Variants in TBX20 observed in about 807,000 individuals in gnomAD.
The protein encoded by TBX20 is T-box transcription factor TBX20.
TBX20 carries 8 observed loss-of-function variants against 42.9 expected under a neutral mutation model. That is an observed-to-expected ratio of 0.19 (90% CI 0.11 to 0.34). TBX20 has a LOEUF of 0.34. Ranked by LOEUF, TBX20 falls within the 10% of genes least tolerant of loss-of-function variation. The pLI, the probability that TBX20 is intolerant of heterozygous loss-of-function variation, is 1.00. For missense variants in TBX20, 411 were observed against 566.0 expected (o/e 0.73, Z 2.78); for synonymous variants, 198 against 222.8 (o/e 0.89, Z 0.99).
intron 6 of TBX20, among the ~76,000 whole-genome samples, chr7:35,227,001 A>G (rs2128712909): frequency 6.6e-6 from 1 of 152,026 alleles, no homozygotes; most frequent in East Asian, 1.9e-4. Context: ...GGTGGGAGAC[A>G]GTGATATTGA....
chr7:35,250,042 T>C lies in TBX20; in HGVS notation c.289A>G (p.Met97Val). The C allele has an allele frequency of 6.2e-7, 1 of 1,613,950 alleles. No individual in the cohort carries two copies. The highest frequency in any genetic ancestry group is 8.5e-7 in the Non-Finnish European group (1 of 1,179,924). Reference sequence around the variant, plus strand: ...TCCAGGCTGCAGGCAATTTTGGCCATTTCCTCACTGGGGATGATGGGGGTG... The same window carrying C: ...TCCAGGCTGCAGGCAATTTTGGCCACTTCCTCACTGGGGATGATGGGGGTG... ...PTTPIIPSEEMAKIACSLETK... is the reference protein window; with the variant it reads ...PTTPIIPSEEVAKIACSLETK... Residue 97 changes from methionine (M) to valine (V), a missense_variant, in exon 2 of 8, where the codon ATG becomes GTG. Around this residue, in one of 5 missense-constraint regions of TBX20, gnomAD observed 114 missense variants for 128.0 expected, o/e 0.89. Coordinates refer to ENST00000408931, the MANE Select transcript of TBX20 (RefSeq NM_001077653.2).
chr7:35,253,402 T>C (rs2128716587), intron 1 of TBX20, 92 bp downstream of exon 1: 1 of 1,451,412 alleles, frequency 6.9e-7, no homozygotes, highest in Admixed American at 1.9e-5. Flanking sequence ...GGCTTGAGCA[T>C]CAGACGTTGC....
At chr7:35,237,976 G>A (rs1361349734) in intron 5 of TBX20, among the ~76,000 whole-genome samples, 1 of 152,064 alleles carries the variant, frequency 6.6e-6, no homozygotes, top group African/African-American at 2.4e-5. Context: ...GGAACAGCAG[G>A]CACTCACAGC....
intron 5 of TBX20, among the ~76,000 whole-genome samples, chr7:35,232,586 CAT>C (rs1789888164): frequency 6.6e-6 from 1 of 152,196 alleles, no homozygotes; most frequent in South Asian, 2.1e-4. Flanking sequence ...TTTATGGAAT[CAT>C]AGCTTCTCAG....
At chr7:35,228,354 T>C (rs1341150934) in intron 6 of TBX20, among the ~76,000 whole-genome samples, 3 of 152,112 alleles carry the variant, frequency 2.0e-5, no homozygotes, top group Non-Finnish European at 4.4e-5. Flanking sequence ...AATAATATGG[T>C]TGACCAGATA....
chr7:35,246,655 A>G (rs2128715617), intron 3 of TBX20, among the ~76,000 whole-genome samples: 1 of 152,324 alleles, frequency 6.6e-6, no homozygotes, highest in East Asian at 1.9e-4. Flanking sequence ...TCTTCCGATT[A>G]GGAATGACTG....
chr7:35,253,433 G>C, intron 1 of TBX20, 61 bp downstream of exon 1: 1 of 1,568,530 alleles, frequency 6.4e-7, no homozygotes. Context: ...CTGCAGCCAG[G>C]GGCACAGACG....
rs537469080 is a variant in TBX20, at chr7:35,249,769, G to A, written c.380+182C>T. 3.9e-5 allele frequency among the ~76,000 whole-genome samples: 6 copies of A among 152,268 alleles called. No homozygotes were observed. In the East Asian group the frequency reaches 5.8e-4, roughly 15 times the overall value. Reference sequence around the variant, plus strand: ...CTTCCCATGACCAAATCCTGAGAACGCAAATGACTAGACATCCTGTAGCTC... The same window carrying A: ...CTTCCCATGACCAAATCCTGAGAACACAAATGACTAGACATCCTGTAGCTC... On this transcript the variant is annotated intron_variant, in intron 2 of 7. Transcript: ENST00000408931. The surrounding 1 kb of genome is among the most constrained non-coding windows in gnomAD (Gnocchi z 4.3).
rs1463113584 is a variant in TBX20 at position 35,202,839 on chromosome 7, G to A, written c.1004-69C>T. ...GTACAGATCAAGAATTAAATTATCT[G>A]TAAAGATCAATTTGTGTTTAAGAAT... On this transcript the variant is annotated intron_variant, in intron 7 of 7. Transcript: ENST00000408931. The A allele has an allele frequency of 4.6e-6, 7 of 1,525,078 alleles. No individual in the cohort carries two copies. The East Asian group carries it at 7.4e-5, about 16-fold the overall frequency. 94.5% of individuals were successfully genotyped at this position (1,525,078 alleles called of 1,614,324 possible).
intron 6 of TBX20, among the ~76,000 whole-genome samples, chr7:35,207,892 T>C (rs568278305): frequency 6.6e-6 from 1 of 152,286 alleles, no homozygotes; most frequent in Admixed American, 6.5e-5. Context: ...TACTCTATCT[T>C]TTTTTTCAAA....
intron 5 of TBX20, among the ~76,000 whole-genome samples, chr7:35,236,601 G>A (rs1789970955): frequency 6.6e-6 from 1 of 152,110 alleles, no homozygotes; most frequent in African/African-American, 2.4e-5. Flanking sequence ...GCACCTACAA[G>A]AGGAATTTTG....
At chr7:35,205,911 G>T (rs2893503) in intron 6 of TBX20, among the ~76,000 whole-genome samples, 1 of 152,112 alleles carries the variant, frequency 6.6e-6, no homozygotes, top group South Asian at 2.1e-4. Flanking sequence ...AAAAGAATGA[G>T]GTCATTCCAT....
Position 35,253,744 on chromosome 7 carries a change from G to C in TBX20, c.-124C>G, listed in dbSNP as rs1165121910. ...CGAGAGCAGTCACAGCGGGGCCAGGGACTCCAGAAGTGTCAGCTCCAACGA... is the reference window on the plus strand; with the variant it reads ...CGAGAGCAGTCACAGCGGGGCCAGGCACTCCAGAAGTGTCAGCTCCAACGA... On this transcript the variant is annotated 5_prime_UTR_variant, in exon 1 of 8. Transcript: ENST00000408931. The C allele has an allele frequency of 3.1e-6, 4 of 1,288,146 alleles. No individual in the cohort carries two copies. Among genetic ancestry groups the C allele is most frequent in the Non-Finnish European group, 4.3e-6 (4 of 940,164 alleles). The allele number at this position is 1,288,146 out of a possible 1,614,324, so 79.8% of individuals were successfully genotyped here.
chr7:35,245,034 G>T lies in TBX20; in HGVS notation c.569C>A (p.Pro190His), dbSNP rs1304347935. 4.3e-6 allele frequency: 7 copies of T among 1,613,436 alleles called. No individual in the cohort carries two copies. The highest frequency in any genetic ancestry group is 5.9e-6 in the Non-Finnish European group (7 of 1,179,550). ...TTTGAGTAGTTGCTCACCGGTAAAA[G>T]GAGAATCTGGATGCACATAGAGCCT... ...PARLYVHPDS[P>H]FTGEQLLKQM... Residue 190 changes from proline to histidine, a missense_variant, in exon 4 of 8, where the codon CCT becomes CAT. Physicochemically the swap from Pro to His is moderately conservative, Grantham distance 77 (BLOSUM62 -2). Transcript: ENST00000408931.
In TBX20 at chr7:35,216,906, GTCTT is replaced by G. The variant is rs751163062; in HGVS notation, c.891-12328_891-12325del. On this transcript the variant is annotated intron_variant, in intron 6 of 7. Transcript: ENST00000408931. ...TCATTTTTACATCACATCTTACTGA[GTCTT>G]TGTAAATAACTCCTTGTCACAATAT... Among the ~76,000 whole-genome samples the G allele has an allele frequency of 2.1e-3, 326 of 152,106 alleles. 5 individuals carry two copies. Among genetic ancestry groups the G allele is most frequent in the Non-Finnish European group, 6.3e-4 (43 of 67,960 alleles).
chr7:35,215,397 A>T (rs1789566643), intron 6 of TBX20, among the ~76,000 whole-genome samples: 1 of 152,198 alleles, frequency 6.6e-6, no homozygotes, highest in Non-Finnish European at 1.5e-5. Flanking sequence ...CCCTGTTTCC[A>T]GCAGAACGAG....
chr7:35,233,116 G>A (rs1404670243), intron 5 of TBX20, among the ~76,000 whole-genome samples: 14 of 152,266 alleles, frequency 9.2e-5, no homozygotes, highest in Admixed American at 5.9e-4. Context: ...TAACACGTGA[G>A]GAATTTCTTT....
intron 6 of TBX20, among the ~76,000 whole-genome samples, chr7:35,226,149 A>T (rs538863844): frequency 2.0e-5 from 3 of 152,160 alleles, no homozygotes; most frequent in Non-Finnish European, 4.4e-5. Context: ...ATGAAAAACT[A>T]AAAAGCAGTA....
intron 5 of TBX20, among the ~76,000 whole-genome samples, chr7:35,233,197 CT>C (rs1484823852): frequency 1.3e-5 from 2 of 152,188 alleles, no homozygotes; most frequent in Non-Finnish European, 2.9e-5. Context: ...AAGGCACAAG[CT>C]GCAAAGAAGC....
Sources: allele counts gnomAD v4.1 joint callset (sites outside exome capture counted in the v4.1 genomes callset), GRCh38; gene constraint gnomAD v4.1.1; regional missense constraint gnomAD v4.1.1; non-coding constraint Gnocchi (gnomAD v3.1); transcripts MANE v1.5; gene names NCBI Gene and HGNC (gene_info 2026-07-23, HGNC 2026-07-21).